Variants in DCAF6 observed in about 807,000 individuals in gnomAD.
DCAF6 encodes DDB1 and CUL4 associated factor 6, also known as DDB1- and CUL4-associated factor 6.
Under a neutral mutation model 125.1 loss-of-function variants are expected in DCAF6, and 54 were observed. The observed-to-expected ratio is 0.43, with a 90% CI of 0.35 to 0.54. The LOEUF is 0.54. Among genes scored for constraint, DCAF6 ranks in the 20% least tolerant of loss-of-function variants. The probability of loss-of-function intolerance (pLI) is 0.01; values close to 1 mark genes in which losing one functional copy is unlikely to be tolerated. For missense variants in DCAF6, 934 were observed against 1,161.7 expected, an observed-to-expected ratio of 0.80 and a Z score of 2.85; for synonymous variants, 371 against 390.4, an observed-to-expected ratio of 0.95 and a Z score of 0.58.
At chr1:167,864,895 GAA>G in the DCAF6 span, among the ~76,000 whole-genome samples, 15 of 129,234 alleles carry the variant, frequency 1.2e-4, no homozygotes, top group Admixed American at 2.4e-4. Context: ...TTGCTAACAG[GAA>G]AAAAAAAAAA....
At chr1:167,911,313 C>T in the DCAF6 span, among the ~76,000 whole-genome samples, 1 of 152,200 alleles carries the variant, frequency 6.6e-6, no homozygotes, top group Non-Finnish European at 1.5e-5. Context: ...AAGACCTGTG[C>T]TAACATTCTT....
chr1:167,900,613 A>G, the DCAF6 span, among the ~76,000 whole-genome samples: 941 of 152,114 alleles, frequency 6.2e-3, 12 homozygotes, highest in African/African-American at 0.022. Flanking sequence ...GCTCACTGCA[A>G]CCTCCGCCTC....
At chr1:167,926,993 G>A in the DCAF6 span, among the ~76,000 whole-genome samples, 2 of 152,186 alleles carry the variant, frequency 1.3e-5, no homozygotes, top group Non-Finnish European at 2.9e-5. Flanking sequence ...CTGTTAAAAT[G>A]ATTATTTATG....
intron 12 of DCAF6, among the ~76,000 whole-genome samples, chr1:168,034,476 G>A (rs751745359): frequency 3.3e-5 from 5 of 152,172 alleles, no homozygotes; most frequent in Admixed American, 1.3e-4. Flanking sequence ...GTGCCACCAC[G>A]CTACCGTGGG....
the DCAF6 span, among the ~76,000 whole-genome samples, chr1:167,879,098 A>G: frequency 1.3e-5 from 2 of 152,210 alleles, no homozygotes; most frequent in Non-Finnish European, 2.9e-5. Context: ...AATGGGCTAG[A>G]AGAGGCGTGC....
chr1:167,924,387 G>T, the DCAF6 span: 1 of 805,324 alleles, frequency 1.2e-6, no homozygotes, highest in Non-Finnish European at 2.0e-6. Flanking sequence ...TCATCTAGAG[G>T]CATACCAAGA....
intron 15 of DCAF6, 49 bp downstream of exon 15, chr1:168,044,720 C>T (rs777283556): frequency 6.6e-7 from 1 of 1,512,918 alleles, no homozygotes; most frequent in Non-Finnish European, 9.2e-7. Context: ...AATAAAAAGC[C>T]TTAATCTATG....
At chr1:168,063,018 TC>T (rs1691805129) in intron 17 of DCAF6, among the ~76,000 whole-genome samples, 1 of 151,786 alleles carries the variant, frequency 6.6e-6, no homozygotes, top group Non-Finnish European at 1.5e-5. Flanking sequence ...TTCATGCCAT[TC>T]TCCTGCCTCA....
At chr1:167,866,017 A>G in the DCAF6 span, among the ~76,000 whole-genome samples, 1 of 152,198 alleles carries the variant, frequency 6.6e-6, no homozygotes, top group African/African-American at 2.4e-5. Context: ...CACCACAGAG[A>G]GGAAACTTAG....
chr1:168,022,920 A>G, intron 11 of DCAF6, 68 bp from the exon 12 acceptor site: 1 of 1,388,810 alleles, frequency 7.2e-7, no homozygotes, highest in Non-Finnish European at 1.0e-6. Flanking sequence ...AAGCTTAGAG[A>G]TGATCATGAC....
chr1:167,945,056 C>T (rs1672851692), intron 1 of DCAF6, among the ~76,000 whole-genome samples: 1 of 152,148 alleles, frequency 6.6e-6, no homozygotes, highest in Admixed American at 6.6e-5. Context: ...TTTCTGGGTT[C>T]TCTATGCTGT....
Position 168,004,666 on chromosome 1 carries a change from G to A in DCAF6, c.1251G>A (p.Met417Ile). ...TTCAGCCTTCTACATCCTCTACAAT[G>A]TCAGCTCAGGCTCATTCGACATCAT... The part of the protein sequence containing the change: ...QFLQPSTSST[M>I]SAQAHSTSSP... The change falls in exon 10 of 22, where the codon ATG (methionine) becomes ATA (isoleucine). Residue 417 changes from methionine to isoleucine, a missense_variant. By Grantham distance (10) the Met-to-Ile change is conservative. Around this residue, in one of 5 missense-constraint regions of DCAF6, gnomAD observed 559 missense variants for 635.5 expected, o/e 0.88. Transcript: ENST00000367840. The A allele has an allele frequency of 6.2e-7, 1 of 1,613,910 alleles. No individual in the cohort carries two copies. The highest frequency in any genetic ancestry group is 2.2e-5 in the East Asian group (1 of 44,880).
At chr1:168,018,453 T>G (rs1477938807) in intron 11 of DCAF6, among the ~76,000 whole-genome samples, 1 of 152,184 alleles carries the variant, frequency 6.6e-6, no homozygotes, top group Non-Finnish European at 1.5e-5. Flanking sequence ...GTAGCACTGT[T>G]GGGACTTAAA....
At position 168,001,792 on chromosome 1, in the gene DCAF6, A is replaced by G. The variant is rs116048893; in HGVS notation, c.904-690A>G. Reference sequence around the variant, plus strand: ...AATGAAATAAAAAGCACAGATGGAGAAATTAGGCTTAAATAGAATAAATGA... The same window carrying G: ...AATGAAATAAAAAGCACAGATGGAGGAATTAGGCTTAAATAGAATAAATGA... On this transcript the variant is annotated intron_variant, in intron 7 of 21. Coordinates refer to ENST00000367840, the MANE Select transcript of DCAF6 (RefSeq NM_001198956.2). Among the ~76,000 whole-genome samples the G allele has an allele frequency of 4.8e-3, 731 of 152,288 alleles. 2 individuals carry two copies. The highest frequency in any genetic ancestry group is 0.013 in the Admixed American group (202 of 15,286).
chr1:168,065,795 ATCAG>A (rs1692252671), intron 19 of DCAF6, 49 bp downstream of exon 19: 1 of 1,512,050 alleles, frequency 6.6e-7, no homozygotes, highest in African/African-American at 1.4e-5. Context: ...TGTATGACTC[ATCAG>A]TCATACAAAA....
Position 168,004,676 on chromosome 1 carries a change from G to C in DCAF6, c.1261G>C (p.Ala421Pro). The change falls in exon 10 of 22, where the codon GCT becomes CCT. Residue 421 changes from alanine (A) to proline (P), a missense_variant. Coordinates refer to ENST00000367840, the MANE Select transcript of DCAF6 (RefSeq NM_001198956.2). ...PSTSSTMSAQAHSTSSPTESP... is the reference protein window; with the variant it reads ...PSTSSTMSAQPHSTSSPTESP... ...TACATCCTCTACAATGTCAGCTCAGGCTCATTCGACATCATCTCCCACAGA... is the reference window on the plus strand; with the variant it reads ...TACATCCTCTACAATGTCAGCTCAGCCTCATTCGACATCATCTCCCACAGA... 1 of 1,613,860 alleles carries C rather than the reference G, an allele frequency of 6.2e-7. No homozygotes were observed. The highest frequency in any genetic ancestry group is 8.5e-7 in the Non-Finnish European group (1 of 1,179,888).
At chr1:168,063,584 T>A in intron 17 of DCAF6, 37 bp from the exon 18 acceptor site, 1 of 1,405,836 alleles carries the variant, frequency 7.1e-7, no homozygotes, top group South Asian at 1.5e-5. Context: ...TGAATATTTT[T>A]ATTTATTTTT....
chr1:168,027,292 G>A (rs909646640), intron 12 of DCAF6, among the ~76,000 whole-genome samples: 1 of 151,984 alleles, frequency 6.6e-6, no homozygotes, highest in Middle Eastern at 3.2e-3. Context: ...TATAGGTGGT[G>A]GTAGGTTCAA....
the DCAF6 span, among the ~76,000 whole-genome samples, chr1:167,920,980 T>A: frequency 6.6e-6 from 1 of 152,166 alleles, no homozygotes; most frequent in Non-Finnish European, 1.5e-5. Flanking sequence ...TCTTTATATA[T>A]GTCAGGAACC....
Sources: gnomAD v4.1 joint callset for allele counts (sites outside exome capture counted in the v4.1 genomes callset) on GRCh38, gnomAD v4.1.1 for gene constraint, gnomAD v4.1.1 regional missense constraint, MANE v1.5 for transcripts, NCBI Gene and HGNC (gene_info 2026-07-23, HGNC 2026-07-21) for gene names.